The following FAT3 variants were observed in gnomAD, a reference collection of about 807,000 sequenced individuals.
The protein encoded by FAT3 is protocadherin Fat 3.
In FAT3, 95 loss-of-function variants were observed where a neutral mutation model predicts 310.2. That is an observed-to-expected ratio of 0.31 (90% CI 0.26 to 0.36). FAT3 has a LOEUF of 0.36. Among genes scored for constraint, FAT3 ranks in the 10% least tolerant of loss-of-function variants. The pLI, the probability that FAT3 is intolerant of heterozygous loss-of-function variation, is 1.00. For missense variants in FAT3, 5,408 were observed against 5,715.6 expected, an observed-to-expected ratio of 0.95 and a Z score of 1.74; for synonymous variants, 2,314 against 2,192.9, an observed-to-expected ratio of 1.06 and a Z score of -1.54.
chr11:92,814,925 G>A (rs193221943), intron 13 of FAT3, among the ~76,000 whole-genome samples: 118 of 152,284 alleles, frequency 7.7e-4, no homozygotes, highest in South Asian at 5.0e-3. Flanking sequence ...ACAGTCAGGG[G>A]TAGGAACACA....
In FAT3 at chr11:92,883,483, C is replaced by A. The variant is rs953411366; in HGVS notation, c.12937+90C>A. On this transcript the variant is annotated intron_variant, in intron 24 of 27. Coordinates refer to ENST00000525166, the MANE Select transcript of FAT3 (RefSeq NM_001367949.2). The surrounding 1 kb of genome is among the most constrained non-coding windows in gnomAD (Gnocchi z 4.2). ...AGGACGCTACGGGAAGGGAGAGAGA[C>A]CCCGCATGCAGAGCATTCGCTATGA... 1 of 1,456,924 alleles carries A rather than the reference C, an allele frequency of 6.9e-7. No individual in the cohort carries two copies. Among genetic ancestry groups the A allele is most frequent in the South Asian group, 1.4e-5 (1 of 73,982 alleles). The allele number at this position is 1,456,924 out of a possible 1,614,324, so 90.2% of individuals were successfully genotyped here.
chr11:92,525,811 C>T (rs1953842174), intron 3 of FAT3, among the ~76,000 whole-genome samples: 1 of 152,150 alleles, frequency 6.6e-6, no homozygotes, highest in Non-Finnish European at 1.5e-5. Context: ...TTGGTGTGAA[C>T]AAACTCAGCT....
chr11:92,861,297 T>C (rs1042105564), intron 21 of FAT3, among the ~76,000 whole-genome samples: 1 of 152,220 alleles, frequency 6.6e-6, no homozygotes, highest in South Asian at 2.1e-4. Context: ...AAATCTCTTA[T>C]AGAGCATTAA....
chr11:92,411,491 A>G (rs189978313), intron 2 of FAT3, among the ~76,000 whole-genome samples: 47 of 152,218 alleles, frequency 3.1e-4, no homozygotes, highest in Non-Finnish European at 2.2e-4. Flanking sequence ...AAGAAATACA[A>G]TTTCACAGGG....
At chr11:92,416,168 G>A (rs1172149048) in intron 2 of FAT3, among the ~76,000 whole-genome samples, 2 of 147,554 alleles carry the variant, frequency 1.4e-5, no homozygotes, top group Admixed American at 6.8e-5. Context: ...GAGGTCAGGA[G>A]TTCAAGACCA....
intron 2 of FAT3, among the ~76,000 whole-genome samples, chr11:92,401,047 A>G (rs962965194): frequency 7.2e-5 from 11 of 152,310 alleles, no homozygotes; most frequent in African/African-American, 2.6e-4. Flanking sequence ...TAGAGTTTGG[A>G]AGTCCTTATT....
chr11:92,323,575 C>CT (rs1032833902), intron 1 of FAT3, among the ~76,000 whole-genome samples: 10 of 138,902 alleles, frequency 7.2e-5, no homozygotes, highest in African/African-American at 1.5e-4. Context: ...TTAAGGGAAT[C>CT]TTTTTTTTTC....
At chr11:92,380,370 C>T (rs1314505645) in intron 2 of FAT3, among the ~76,000 whole-genome samples, 2 of 152,044 alleles carry the variant, frequency 1.3e-5, no homozygotes, top group Non-Finnish European at 2.9e-5. Flanking sequence ...TATGCCTGCC[C>T]TGTCTTCCTC....
Position 92,353,241 on chromosome 11 carries a change from G to A in FAT3, c.1129G>A (p.Glu377Lys). The change falls in exon 2 of 28, where the codon GAA (glutamate) becomes AAA (lysine). Residue 377 changes from glutamate (E) to lysine (K), a missense_variant. Glu to Lys is a moderately conservative substitution (Grantham distance 56). This residue lies in a region of FAT3 where 4,588 missense variants were observed against 4,809.8 expected (regional missense o/e 0.95). Coordinates refer to ENST00000525166, the MANE Select transcript of FAT3 (RefSeq NM_001367949.2). Reference sequence around the variant, plus strand: ...AAGAGACACTGTCCCCATTAGATTTGAAAAAGAAGTGTACGATGTGAGCAT... The same window carrying A: ...AAGAGACACTGTCCCCATTAGATTTAAAAAAGAAGTGTACGATGTGAGCAT... ...PTRDTVPIRF[E>K]KEVYDVSISE... 6.2e-7 allele frequency: 1 copy of A among 1,613,718 alleles called. No individual in the cohort carries two copies. Among genetic ancestry groups the A allele is most frequent in the Non-Finnish European group, 8.5e-7 (1 of 1,179,852 alleles).
At chr11:92,705,552 G>A (rs1591629658) in intron 4 of FAT3, among the ~76,000 whole-genome samples, 1 of 144,690 alleles carries the variant, frequency 6.9e-6, no homozygotes, top group African/African-American at 2.6e-5. Flanking sequence ...TGTGATGGTG[G>A]TGGTGTGATG....
chr11:92,556,134 C>A (rs1410271008), intron 3 of FAT3, among the ~76,000 whole-genome samples: 1 of 152,170 alleles, frequency 6.6e-6, no homozygotes, highest in Non-Finnish European at 1.5e-5. Context: ...ATAGCCAACT[C>A]AGTTTACTGT....
intron 2 of FAT3, among the ~76,000 whole-genome samples, chr11:92,516,449 T>G (rs903167593): frequency 1.3e-5 from 2 of 152,072 alleles, no homozygotes; most frequent in Non-Finnish European, 2.9e-5. Context: ...CCCTTCATAC[T>G]AAAAACACCC....
chr11:92,332,017 C>G (rs2134541113), intron 1 of FAT3, among the ~76,000 whole-genome samples: 1 of 152,294 alleles, frequency 6.6e-6, no homozygotes, highest in Non-Finnish European at 1.5e-5. Flanking sequence ...GCTACAAGAG[C>G]CATCATTTTC....
chr11:92,551,432 G>GTGTGTGTGTGTGTA (rs1555081180), intron 3 of FAT3, among the ~76,000 whole-genome samples: 2 of 151,270 alleles, frequency 1.3e-5, no homozygotes, highest in African/African-American at 4.9e-5. Flanking sequence ...GTGTGTGTGT[G>GTGTGTGTGTGTGTA]TGTGTGTGTG....
At chr11:92,425,357 A>C (rs770457072) in intron 2 of FAT3, among the ~76,000 whole-genome samples, 10 of 152,116 alleles carry the variant, frequency 6.6e-5, no homozygotes, top group Non-Finnish European at 1.2e-4. Context: ...GCTACTTGCA[A>C]AGTAGCAACA....
chr11:92,707,012 C>T (rs1176751317), intron 4 of FAT3, among the ~76,000 whole-genome samples: 6 of 152,204 alleles, frequency 3.9e-5, no homozygotes, highest in Non-Finnish European at 5.9e-5. Flanking sequence ...TTTAACTTTG[C>T]TTTTCTGTGC....
At chr11:92,886,166 G>A (rs1949792365) in intron 24 of FAT3, among the ~76,000 whole-genome samples, 1 of 152,144 alleles carries the variant, frequency 6.6e-6, no homozygotes, top group South Asian at 2.1e-4. Flanking sequence ...TCCCCCCAAA[G>A]TATTGTTGGG....
At chr11:92,528,553 A>AT (rs1378965682) in intron 3 of FAT3, among the ~76,000 whole-genome samples, 1 of 152,068 alleles carries the variant, frequency 6.6e-6, no homozygotes. Flanking sequence ...CACCCGGCTA[A>AT]TTTTTTGTAT....
chr11:92,709,967 T>C (rs550344911), intron 4 of FAT3, among the ~76,000 whole-genome samples: 1 of 152,296 alleles, frequency 6.6e-6, no homozygotes, highest in East Asian at 1.9e-4. Context: ...TTATAATTCC[T>C]GGCATGCCAC....
Sources: allele counts gnomAD v4.1 joint callset (sites outside exome capture counted in the v4.1 genomes callset), GRCh38; gene constraint gnomAD v4.1.1; regional missense constraint gnomAD v4.1.1; non-coding constraint Gnocchi (gnomAD v3.1); transcripts MANE v1.5; gene names NCBI Gene and HGNC (gene_info 2026-07-23, HGNC 2026-07-21).